GRIK3: variants seen among roughly 807,000 people sequenced by gnomAD.
GRIK3 encodes glutamate ionotropic receptor kainate type subunit 3.
Under a neutral mutation model 102.5 loss-of-function variants are expected in GRIK3, and 29 were observed. That is an observed-to-expected ratio of 0.28 (90% CI 0.21 to 0.39). GRIK3 has a LOEUF of 0.39. Among genes scored for constraint, GRIK3 ranks in the 10% least tolerant of loss-of-function variants. The probability of loss-of-function intolerance (pLI) is 1.00; values close to 1 mark genes in which losing one functional copy is unlikely to be tolerated. For synonymous variants in GRIK3, 511 were observed against 504.9 expected, an observed-to-expected ratio of 1.01 and a Z score of -0.16; for missense variants, 908 against 1,252.4, an observed-to-expected ratio of 0.73 and a Z score of 4.15.
intron 1 of GRIK3, among the ~76,000 whole-genome samples, chr1:36,924,546 C>T (rs1641507422): frequency 2.0e-5 from 3 of 152,162 alleles, no homozygotes; most frequent in Non-Finnish European, 4.4e-5. Flanking sequence ...GTCGCTGTTG[C>T]TGCTGGGTAC....
chr1:36,862,162 G>C (rs1640734439), intron 5 of GRIK3, among the ~76,000 whole-genome samples: 1 of 152,148 alleles, frequency 6.6e-6, no homozygotes, highest in African/African-American at 2.4e-5. Flanking sequence ...GCTCACACTG[G>C]CCAGTGGGAG....
rs34375905 is a variant in GRIK3 at position 36,986,416 on chromosome 1, GTCCATCCA to G, written c.115+47570_115+47577del. 8.3e-3 allele frequency among the ~76,000 whole-genome samples: 1,079 copies of G among 130,762 alleles called. 10 individuals carry two copies. Among genetic ancestry groups the G allele is most frequent in the African/African-American group, 0.025 (835 of 32,880 alleles). 85.8% of individuals were successfully genotyped at this position (130,762 alleles called of 152,430 possible). On this transcript the variant is annotated intron_variant, in intron 1 of 15. Transcript: ENST00000373091. The stretch of plus-strand genomic sequence containing the variant: ...CCATCCATCCTGTCCCCATCTCTCT[GTCCATCCA>G]TCCATCCATCCATCCATCCATCCAT...
At chr1:36,803,824 C>G (rs1642469014) in intron 15 of GRIK3, among the ~76,000 whole-genome samples, 2 of 152,226 alleles carry the variant, frequency 1.3e-5, no homozygotes, top group African/African-American at 4.8e-5. Context: ...GAACCATTCT[C>G]TGTTGTTAGA....
chr1:36,852,034 G>T (rs1327622876), intron 8 of GRIK3, among the ~76,000 whole-genome samples: 1 of 152,144 alleles, frequency 6.6e-6, no homozygotes, highest in African/African-American at 2.4e-5. Context: ...GAGGAGGAAG[G>T]GTGCTCTCCA....
intron 1 of GRIK3, among the ~76,000 whole-genome samples, chr1:36,936,241 A>C (rs1036294261): frequency 6.6e-5 from 10 of 152,184 alleles, no homozygotes; most frequent in African/African-American, 1.9e-4. Flanking sequence ...TCATCCCCCC[A>C]TCCTGGAGGA....
intron 1 of GRIK3, among the ~76,000 whole-genome samples, chr1:36,921,699 T>C (rs547760060): frequency 6.6e-6 from 1 of 152,238 alleles, no homozygotes; most frequent in Non-Finnish European, 1.5e-5. Flanking sequence ...CATAGTATAA[T>C]GGGTGGCATT....
intron 1 of GRIK3, among the ~76,000 whole-genome samples, chr1:36,977,184 C>A (rs1642204392): frequency 6.6e-6 from 1 of 152,218 alleles, no homozygotes; most frequent in African/African-American, 2.4e-5. Context: ...TCCTCCATTT[C>A]TTTAGCTCTG....
chr1:37,016,889 A>G (rs947875818), intron 1 of GRIK3, among the ~76,000 whole-genome samples: 1 of 152,134 alleles, frequency 6.6e-6, no homozygotes, highest in East Asian at 1.9e-4. Context: ...ATTCCAAGCA[A>G]AGAGGTTAGT....
rs199550769 is a variant in GRIK3, at chr1:36,814,397, GCACATACACA to G, written c.2091+2653_2091+2662del. ...TAGGCAGGAGCAGGCAGGCATGTGT[GCACATACACA>G]CACATACACATGCAGACACATATGC... On this transcript the variant is annotated intron_variant, in intron 13 of 15. Transcript: ENST00000373091. Among the ~76,000 whole-genome samples, 1,108 of 151,944 alleles carry G rather than the reference GCACATACACA, an allele frequency of 7.3e-3. 13 individuals are homozygous for G. Among genetic ancestry groups the G allele is most frequent in the African/African-American group, 0.024 (1,008 of 41,372 alleles).
Position 36,795,668 on chromosome 1 carries a change from G to A in GRIK3, c.*6183C>T, listed in dbSNP as rs140933434. On this transcript the variant is annotated 3_prime_UTR_variant, in exon 16 of 16. Transcript: ENST00000373091. ...AAATTTATTTACATCAGCCTAGAAT[G>A]ATTGGCAAGTAACACAGTTACTATG... The A allele has an allele frequency of 1.2e-4, 18 of 152,328 alleles. No homozygotes were observed. The East Asian group carries it at 3.3e-3, about 28-fold the overall frequency. The allele number at this position is 152,328 out of a possible 1,614,324, so 9.4% of individuals were successfully genotyped here.
At chr1:36,996,960 A>G (rs1177365681) in intron 1 of GRIK3, among the ~76,000 whole-genome samples, 1 of 152,214 alleles carries the variant, frequency 6.6e-6, no homozygotes, top group Non-Finnish European at 1.5e-5. Context: ...GATGCTGCGA[A>G]GCATTCTACA....
chr1:36,842,524 T>A (rs1353302972), intron 9 of GRIK3, among the ~76,000 whole-genome samples: 1 of 152,206 alleles, frequency 6.6e-6, no homozygotes, highest in Non-Finnish European at 1.5e-5. Context: ...AAGATTAGAT[T>A]TACATGCTCC....
In GRIK3 at chr1:36,819,445, T is replaced by C. The variant is rs1642672505; in HGVS notation, c.1873+291A>G. On this transcript the variant is annotated intron_variant, in intron 12 of 15. Coordinates refer to ENST00000373091, the MANE Select transcript of GRIK3 (RefSeq NM_000831.4). This position sits in a 1 kb window ranked among gnomAD's most constrained non-coding sequence, Gnocchi z 4.1. ...CAGCCGCAGCCAGCAGGGTGCTCTA[T>C]GTCCACCTCAGCTGGAGCAGGAGGT... 6.6e-6 allele frequency among the ~76,000 whole-genome samples: 1 copy of C among 152,184 alleles called. No individual in the cohort carries two copies. The highest frequency in any genetic ancestry group is 1.5e-5 in the Non-Finnish European group (1 of 68,024).
intron 9 of GRIK3, among the ~76,000 whole-genome samples, chr1:36,845,405 C>A (rs923487690): frequency 6.6e-6 from 1 of 152,172 alleles, no homozygotes; most frequent in African/African-American, 2.4e-5. Context: ...TTCTGACTTT[C>A]CGTTGTCAGG....
intron 13 of GRIK3, among the ~76,000 whole-genome samples, chr1:36,811,134 G>A (rs1430154356): frequency 6.6e-6 from 1 of 152,228 alleles, no homozygotes; most frequent in Non-Finnish European, 1.5e-5. Context: ...CAAGGTGTGT[G>A]AAGCGTTTAA....
intron 1 of GRIK3, among the ~76,000 whole-genome samples, chr1:36,919,338 A>AATTTTAATTTATTTT (rs1553119254): frequency 1.4e-5 from 2 of 143,600 alleles, no homozygotes; most frequent in Non-Finnish European, 3.0e-5. Flanking sequence ...GCTTTTTTAA[A>AATTTTAATTTATTTT]ATTTTATTTT....
At chr1:36,948,710 G>A (rs1376357961) in intron 1 of GRIK3, among the ~76,000 whole-genome samples, 2 of 152,192 alleles carry the variant, frequency 1.3e-5, no homozygotes, top group Non-Finnish European at 2.9e-5. Flanking sequence ...GCCCAGTGTA[G>A]GAACCCAGGT....
chr1:36,841,044 G>C (rs1640443554), intron 10 of GRIK3, among the ~76,000 whole-genome samples: 1 of 152,170 alleles, frequency 6.6e-6, no homozygotes, highest in Non-Finnish European at 1.5e-5. Context: ...GAAGAACCGG[G>C]ACTCGAGCCC....
chr1:36,872,457 G>T lies in GRIK3; in HGVS notation c.551-88C>A. ...CACTTGGACTTGTGTGCACACACAT[G>T]CCCATGGCCACAGGTCTGCAGACAT... is the stretch of plus-strand genomic sequence containing the variant. On this transcript the variant is annotated intron_variant, in intron 3 of 15. Transcript: ENST00000373091. The surrounding 1 kb of genome is among the most constrained non-coding windows in gnomAD (Gnocchi z 5.9). 2.8e-6 allele frequency: 3 copies of T among 1,074,014 alleles called. No individual in the cohort carries two copies. The highest frequency in any genetic ancestry group is 1.6e-5 in the African/African-American group (1 of 62,856). 66.5% of individuals were successfully genotyped at this position (1,074,014 alleles called of 1,614,324 possible). A position where few individuals can be genotyped will look rare whatever the true frequency, so the allele number is the denominator to read the frequency against.
Sources: gnomAD v4.1 joint callset for allele counts (sites outside exome capture counted in the v4.1 genomes callset) on GRCh38, gnomAD v4.1.1 for gene constraint, Gnocchi (gnomAD v3.1) non-coding constraint, MANE v1.5 for transcripts, NCBI Gene and HGNC (gene_info 2026-07-23, HGNC 2026-07-21) for gene names.